Variants in WASL observed in about 807,000 individuals in gnomAD.
The protein encoded by WASL is actin nucleation-promoting factor WASL.
In WASL, 20 loss-of-function variants were observed where a neutral mutation model predicts 55.5. The ratio of observed to expected loss-of-function variants is 0.36; its 90% CI spans 0.25 to 0.52. The LOEUF is 0.52. Among genes scored for constraint, WASL ranks in the 20% least tolerant of loss-of-function variants. The pLI is 0.92. For missense variants in WASL, 504 were observed against 622.5 expected, an observed-to-expected ratio of 0.81 and a Z score of 2.03; for synonymous variants, 249 against 217.6, an observed-to-expected ratio of 1.14 and a Z score of -1.27.
At chr7:123,730,323 CAT>C (rs1804116091) in intron 1 of WASL, among the ~76,000 whole-genome samples, 1 of 151,836 alleles carries the variant, frequency 6.6e-6, no homozygotes, top group South Asian at 2.1e-4. Flanking sequence ...TAATTGATCT[CAT>C]AGAAAATAGT....
At chr7:123,739,016 T>C (rs1804285516) in intron 1 of WASL, among the ~76,000 whole-genome samples, 1 of 152,204 alleles carries the variant, frequency 6.6e-6, no homozygotes, top group Non-Finnish European at 1.5e-5. Flanking sequence ...CTGCCACAAT[T>C]CCAGGTTTCT....
In WASL at chr7:123,748,754, G is replaced by C; in HGVS notation, c.-20C>G. 1 of 1,555,248 alleles carries C rather than the reference G, an allele frequency of 6.4e-7. No homozygotes were observed. The highest frequency in any genetic ancestry group is 8.7e-7 in the Non-Finnish European group (1 of 1,152,540). ...GCTCATGGTTTCGCCGGCGGGGTTG[G>C]GAGTCCAGGGCCGTCTCCTCCGGCG... is the stretch of plus-strand genomic sequence containing the variant. On this transcript the variant is annotated 5_prime_UTR_variant, in exon 1 of 11. Coordinates refer to ENST00000223023, the MANE Select transcript of WASL (RefSeq NM_003941.4).
chr7:123,740,906 A>G (rs930831638), intron 1 of WASL, among the ~76,000 whole-genome samples: 1 of 152,188 alleles, frequency 6.6e-6, no homozygotes, highest in African/African-American at 2.4e-5. Flanking sequence ...TTTGATGAGA[A>G]AAGAAAATCA....
chr7:123,689,995 C>A (rs1463742176), intron 9 of WASL, among the ~76,000 whole-genome samples: 1 of 152,056 alleles, frequency 6.6e-6, no homozygotes, highest in East Asian at 1.9e-4. Flanking sequence ...TAAAAAAATT[C>A]AAAGTGGTTC....
chr7:123,687,984 A>G (rs1400389806), intron 10 of WASL, among the ~76,000 whole-genome samples: 6 of 152,154 alleles, frequency 3.9e-5, no homozygotes, highest in African/African-American at 7.2e-5. Context: ...TCTCACATCT[A>G]TATGTTTTGT....
chr7:123,692,253 A>C, intron 9 of WASL, 94 bp downstream of exon 9: 1 of 1,459,124 alleles, frequency 6.9e-7, no homozygotes. Flanking sequence ...AAGAGGAAAA[A>C]AGAATACACT....
chr7:123,734,310 TA>T (rs753258399), intron 1 of WASL, among the ~76,000 whole-genome samples: 3 of 151,788 alleles, frequency 2.0e-5, no homozygotes, highest in African/African-American at 4.8e-5. Flanking sequence ...ACACACCCAA[TA>T]AAAAATCTGA....
intron 1 of WASL, among the ~76,000 whole-genome samples, chr7:123,745,786 G>T (rs1804421096): frequency 6.6e-6 from 1 of 151,738 alleles, no homozygotes; most frequent in South Asian, 2.1e-4. Flanking sequence ...AGCCCTCCTT[G>T]CTCCCTAACA....
chr7:123,742,856 A>T (rs946337009), intron 1 of WASL, among the ~76,000 whole-genome samples: 1 of 152,228 alleles, frequency 6.6e-6, no homozygotes. Flanking sequence ...CCTTCTGCTT[A>T]GATATATGCT....
chr7:123,685,871 T>C (rs1420997691), intron 10 of WASL, among the ~76,000 whole-genome samples: 2 of 147,462 alleles, frequency 1.4e-5, no homozygotes, highest in Non-Finnish European at 3.0e-5. Flanking sequence ...TATATAAATA[T>C]ATAAATATAT....
intron 1 of WASL, among the ~76,000 whole-genome samples, chr7:123,711,646 A>G (rs1157062823): frequency 6.6e-6 from 1 of 152,184 alleles, no homozygotes; most frequent in Non-Finnish European, 1.5e-5. Context: ...GCTAGACAAT[A>G]TAAAAACAGT....
chr7:123,746,927 TCTA>T (rs1205697201), intron 1 of WASL, among the ~76,000 whole-genome samples: 11 of 152,226 alleles, frequency 7.2e-5, no homozygotes, highest in African/African-American at 1.4e-4. Flanking sequence ...ACATAGCTAA[TCTA>T]CTAAACCAGC....
chr7:123,726,400 C>G (rs1295889743), intron 1 of WASL, among the ~76,000 whole-genome samples: 2 of 152,112 alleles, frequency 1.3e-5, no homozygotes, highest in African/African-American at 4.8e-5. Flanking sequence ...TCATAAACCT[C>G]AAGTTAGAAT....
At chr7:123,722,846 G>A (rs1562963438) in intron 1 of WASL, among the ~76,000 whole-genome samples, 1 of 152,034 alleles carries the variant, frequency 6.6e-6, no homozygotes, top group Non-Finnish European at 1.5e-5. Context: ...CAAAGTATAA[G>A]TACCAAAATG....
chr7:123,731,014 A>G (rs1327825193), intron 1 of WASL, among the ~76,000 whole-genome samples: 1 of 152,138 alleles, frequency 6.6e-6, no homozygotes, highest in Non-Finnish European at 1.5e-5. Context: ...TACTCAATGA[A>G]GACACCCATT....
intron 1 of WASL, among the ~76,000 whole-genome samples, chr7:123,719,433 T>G (rs962445577): frequency 6.6e-6 from 1 of 152,146 alleles, no homozygotes; most frequent in Non-Finnish European, 1.5e-5. Flanking sequence ...ATGGGAACTG[T>G]GAAGTCCTAA....
At chr7:123,741,378 T>G (rs368528666) in intron 1 of WASL, among the ~76,000 whole-genome samples, 9 of 152,334 alleles carry the variant, frequency 5.9e-5, no homozygotes, top group African/African-American at 1.9e-4. Context: ...CATTATGTGT[T>G]GTTTCACCTA....
intron 8 of WASL, among the ~76,000 whole-genome samples, 179 bp downstream of exon 8, chr7:123,694,536 G>T (rs1023058151): frequency 3.9e-5 from 6 of 152,042 alleles, no homozygotes; most frequent in African/African-American, 1.2e-4. Context: ...ACCTTGTAAA[G>T]TTTTTTTAGT....
intron 1 of WASL, among the ~76,000 whole-genome samples, chr7:123,709,477 G>A (rs1237674355): frequency 6.6e-6 from 1 of 152,132 alleles, no homozygotes; most frequent in East Asian, 1.9e-4. Flanking sequence ...TGCTTAAAAT[G>A]TGTTAGGAAA....
Sources: allele counts gnomAD v4.1 joint callset (sites outside exome capture counted in the v4.1 genomes callset), GRCh38; gene constraint gnomAD v4.1.1; transcripts MANE v1.5; gene names NCBI Gene and HGNC (gene_info 2026-07-23, HGNC 2026-07-21).